DNMT3A: variants seen among roughly 807,000 people sequenced by gnomAD.
DNMT3A encodes DNA (cytosine-5)-methyltransferase 3A.
In DNMT3A, 267 loss-of-function variants were observed where a neutral mutation model predicts 117.6. That is an observed-to-expected ratio of 2.27 (90% CI 2.05 to 2.51). DNMT3A has a LOEUF of 2.51. DNMT3A is among the 30% of genes most tolerant of loss of function. The probability of loss-of-function intolerance (pLI) is 0.00; values close to 1 mark genes in which losing one functional copy is unlikely to be tolerated. For missense variants in DNMT3A, 1,029 were observed against 1,260.2 expected, an observed-to-expected ratio of 0.82 and a Z score of 2.78; for synonymous variants, 432 against 474.8, an observed-to-expected ratio of 0.91 and a Z score of 1.17.
Position 25,246,779 on chromosome 2 carries a change from G to C in DNMT3A, c.1123-3C>G. ...TTCCCCGCGCGGCTGCTGGCCACCT[G>C]GAGGGTGACACGCCAGGGTTGGGGT... On this transcript the variant is annotated splice_region_variant and splice_polypyrimidine_tract_variant and intron_variant, in intron 9 of 22. Transcript: ENST00000321117. The C allele has an allele frequency of 6.2e-7, 1 of 1,612,920 alleles. No homozygotes were observed. The highest frequency in any genetic ancestry group is 8.5e-7 in the Non-Finnish European group (1 of 1,179,892).
intron 4 of DNMT3A, among the ~76,000 whole-genome samples, chr2:25,276,104 T>C (rs2031389909): frequency 6.6e-6 from 1 of 152,174 alleles, no homozygotes; most frequent in African/African-American, 2.4e-5. Flanking sequence ...CAACTTCCTC[T>C]CTACGAGACT....
chr2:25,262,839 G>A (rs1420496967), intron 6 of DNMT3A, among the ~76,000 whole-genome samples: 1 of 152,108 alleles, frequency 6.6e-6, no homozygotes, highest in Non-Finnish European at 1.5e-5. Context: ...CCTAACCCCT[G>A]CACCCTAGTT....
At position 25,311,036 on chromosome 2, in the gene DNMT3A, G is replaced by C. The variant is rs866376941; in HGVS notation, c.72+2877C>G. Among the ~76,000 whole-genome samples, 8 of 151,962 alleles carry C rather than the reference G, an allele frequency of 5.3e-5. No homozygotes were observed. Among genetic ancestry groups the C allele is most frequent in the Non-Finnish European group, 1.2e-4 (8 of 67,982 alleles). ...AAGAGATTAGGGAAAGGGCCCATGC[G>C]GCAGAGGGAGCAGCATAAACAAAGA... On this transcript the variant is annotated intron_variant, in intron 2 of 22. Transcript: ENST00000321117. The surrounding 1 kb of genome is among the most constrained non-coding windows in gnomAD (Gnocchi z 5.2).
intron 3 of DNMT3A, among the ~76,000 whole-genome samples, chr2:25,295,680 C>T (rs1252237658): frequency 6.6e-6 from 1 of 152,210 alleles, no homozygotes; most frequent in Non-Finnish European, 1.5e-5. Context: ...ATAGGCTTTG[C>T]AGTTGGGAGG....
chr2:25,314,574 C>T, intron 1 of DNMT3A: 2 of 985,328 alleles, frequency 2.0e-6, no homozygotes, highest in Non-Finnish European at 2.4e-6. Flanking sequence ...CTAATCTGTC[C>T]TCACCCCCAC....
chr2:25,322,459 C>G (rs941672369), intron 1 of DNMT3A, among the ~76,000 whole-genome samples: 1 of 152,118 alleles, frequency 6.6e-6, no homozygotes, highest in East Asian at 1.9e-4. Flanking sequence ...CTCCACCCCC[C>G]ACCCTCACGA....
At chr2:25,289,889 G>A (rs1337948966) in intron 3 of DNMT3A, among the ~76,000 whole-genome samples, 2 of 152,236 alleles carry the variant, frequency 1.3e-5, no homozygotes, top group Non-Finnish European at 2.9e-5. Flanking sequence ...CAGACCTCCT[G>A]CCCCTCCTTC....
In DNMT3A at chr2:25,247,629, G is replaced by T. The variant is rs747448117; in HGVS notation, c.976C>A (p.Arg326Ser). Reference protein sequence around the residue: ...TGRSRAAEGTRWVMWFGDGKF... With the variant: ...TGRSRAAEGTSWVMWFGDGKF... ...CCGTCTCCGAACCACATGACCCAGCGGGTGCCTTCAGCTGCTCGGCTCCGG... is the reference window on the plus strand; with the variant it reads ...CCGTCTCCGAACCACATGACCCAGCTGGTGCCTTCAGCTGCTCGGCTCCGG... The change falls in exon 8 of 23, where the codon CGC (arginine) becomes AGC (serine). Residue 326 changes from arginine (R) to serine (S), a missense_variant. Coordinates refer to ENST00000321117, the MANE Select transcript of DNMT3A (RefSeq NM_022552.5). This position sits in a 1 kb window ranked among gnomAD's most constrained non-coding sequence, Gnocchi z 5.6. 5 of 1,613,666 alleles carry T rather than the reference G, an allele frequency of 3.1e-6. No individual in the cohort carries two copies. The highest frequency in any genetic ancestry group is 1.3e-5 in the African/African-American group (1 of 74,778).
At chr2:25,239,057 G>T in intron 20 of DNMT3A, 73 bp downstream of exon 20, 1 of 1,396,200 alleles carries the variant, frequency 7.2e-7, no homozygotes, top group Non-Finnish European at 1.0e-6. Flanking sequence ...CCGGCTCAGG[G>T]GCTTCCCCAC....
chr2:25,267,479 G>A (rs2030463950), intron 6 of DNMT3A, among the ~76,000 whole-genome samples: 1 of 152,158 alleles, frequency 6.6e-6, no homozygotes, highest in African/African-American at 2.4e-5. Context: ...GGAGGCTTAG[G>A]TGGGAGGATC....
chr2:25,307,851 C>T (rs899402641), intron 2 of DNMT3A, among the ~76,000 whole-genome samples: 1 of 152,200 alleles, frequency 6.6e-6, no homozygotes, highest in African/African-American at 2.4e-5. Context: ...GGCTCCATCC[C>T]TAACCCGGCC....
rs1672755409 is a variant in DNMT3A, at chr2:25,228,327, A to C, written c.*5952T>G. 1 of 150,634 alleles carries C rather than the reference A, an allele frequency of 6.6e-6. No homozygotes were observed. Among genetic ancestry groups the C allele is most frequent in the Admixed American group, 6.6e-5 (1 of 15,066 alleles). 9.3% of individuals were successfully genotyped at this position (150,634 alleles called of 1,614,324 possible). A position where few individuals can be genotyped will look rare whatever the true frequency, so the allele number is the denominator to read the frequency against. ...AAGGAGAAAAGAGGAACTTAAGAGA[A>C]AGGAAAGAGGGCTGGGGAGGGAAGA... is the stretch of plus-strand genomic sequence containing the variant. On this transcript the variant is annotated 3_prime_UTR_variant, in exon 23 of 23. Transcript: ENST00000321117.
chr2:25,261,803 T>C (rs1676638352), intron 6 of DNMT3A, among the ~76,000 whole-genome samples: 1 of 151,996 alleles, frequency 6.6e-6, no homozygotes, highest in South Asian at 2.1e-4. Context: ...ATCCTGGTCC[T>C]CTCCTAGCAG....
rs753200125 is a variant in DNMT3A at position 25,247,114 on chromosome 2, C to T, written c.1059G>A (p.Ala353=). The T allele has an allele frequency of 8.7e-6, 14 of 1,613,984 alleles. No individual in the cohort carries two copies. Among genetic ancestry groups the T allele is most frequent in the Admixed American group, 1.7e-5 (1 of 59,992 alleles). The change falls in exon 9 of 23, where the codon GCG becomes GCA. Residue 353 remains alanine, a synonymous_variant. Coordinates refer to ENST00000321117, the MANE Select transcript of DNMT3A (RefSeq NM_022552.5). The surrounding 1 kb of genome is among the most constrained non-coding windows in gnomAD (Gnocchi z 5.6). ...KLMPLSSFCS[A]FHQATYNKQP... ...GCTTGTTGTACGTGGCCTGGTGGAA[C>T]GCACTGCAAAACGAGCTCAGCGGCA...
At chr2:25,276,686 G>A (rs2031438869) in intron 4 of DNMT3A, among the ~76,000 whole-genome samples, 1 of 152,184 alleles carries the variant, frequency 6.6e-6, no homozygotes, top group Non-Finnish European at 1.5e-5. Context: ...GCTTCTTGCT[G>A]GAGGTGGGGA....
At chr2:25,267,401 C>G (rs1462622687) in intron 6 of DNMT3A, among the ~76,000 whole-genome samples, 1 of 151,936 alleles carries the variant, frequency 6.6e-6, no homozygotes, top group Non-Finnish European at 1.5e-5. Flanking sequence ...TAAGGAGACC[C>G]CCATCTCTAC....
At chr2:25,325,864 A>G (rs1188832550) in intron 1 of DNMT3A, among the ~76,000 whole-genome samples, 3 of 152,218 alleles carry the variant, frequency 2.0e-5, no homozygotes, top group East Asian at 3.8e-4. Context: ...CTGAATGGAA[A>G]GTTATGGTAA....
rs1319582204 is a variant in DNMT3A, at chr2:25,252,375, G to C, written c.640-4123C>G. The C allele has an allele frequency of 1.7e-5, 11 of 654,788 alleles. No individual in the cohort carries two copies. The highest frequency in any genetic ancestry group is 2.3e-5 in the Non-Finnish European group (10 of 427,470). 40.6% of individuals were successfully genotyped at this position (654,788 alleles called of 1,614,324 possible). On this transcript the variant is annotated intron_variant, in intron 6 of 22. Transcript: ENST00000321117. The surrounding 1 kb of genome is among the most constrained non-coding windows in gnomAD (Gnocchi z 5.5). The stretch of plus-strand genomic sequence containing the variant: ...GGGAGGGAACATTTTCTTTGTCTAG[G>C]ACTCCAGGTCACGTGGGCCCCGCTG...
At position 25,313,963 on chromosome 2, in the gene DNMT3A, C is replaced by T. The variant is rs781229619; in HGVS notation, c.22G>A (p.Gly8Ser). 7.8e-6 allele frequency: 12 copies of T among 1,548,242 alleles called. No homozygotes were observed. The highest frequency in any genetic ancestry group is 1.0e-5 in the Non-Finnish European group (12 of 1,145,890). Residue 8 changes from glycine (G) to serine (S), a missense_variant, in exon 2 of 23, where the codon GGC becomes AGC. Gly to Ser is a moderately conservative substitution (Grantham distance 56). Coordinates refer to ENST00000321117, the MANE Select transcript of DNMT3A (RefSeq NM_022552.5). MPAMPSS[G>S]PGDTSSSAAE... Reference sequence around the variant, plus strand: ...GCAGAGCTGCTGGTGTCCCCGGGGCCGCTGGAGGGCATGGCGGGCATCTGG... The same window carrying T: ...GCAGAGCTGCTGGTGTCCCCGGGGCTGCTGGAGGGCATGGCGGGCATCTGG...
Sources: allele counts gnomAD v4.1 joint callset (sites outside exome capture counted in the v4.1 genomes callset), GRCh38; gene constraint gnomAD v4.1.1; non-coding constraint Gnocchi (gnomAD v3.1); transcripts MANE v1.5; gene names NCBI Gene and HGNC (gene_info 2026-07-23, HGNC 2026-07-21).